XKR9: variants seen among roughly 807,000 people sequenced by gnomAD.
XKR9 encodes XK-related protein 9.
XKR9 carries 32 observed loss-of-function variants against 32.0 expected under a neutral mutation model. That is an observed-to-expected ratio of 1.00 (90% CI 0.76 to 1.34). The LOEUF (loss-of-function observed/expected upper bound fraction) is 1.34, where lower values mean the gene tolerates loss of function less well. XKR9 is among the 40% of genes most tolerant of loss of function. XKR9 has a pLI of 0.00. For missense variants in XKR9, 546 were observed against 429.7 expected (o/e 1.27, Z -2.39); for synonymous variants, 168 against 143.4 (o/e 1.17, Z -1.22).
the XKR9 span, among the ~76,000 whole-genome samples, chr8:70,957,319 T>A: frequency 6.6e-6 from 1 of 152,224 alleles, no homozygotes; most frequent in Non-Finnish European, 1.5e-5. Context: ...TATAATTATT[T>A]ACTTATCACC....
At chr8:71,061,260 T>A in the XKR9 span, among the ~76,000 whole-genome samples, 3,252 of 152,252 alleles carry the variant, frequency 0.021, 91 homozygotes, top group East Asian at 0.12. Context: ...GGGCTCTCCA[T>A]CTTTATTCCC....
At chr8:70,977,442 GT>G in the XKR9 span, among the ~76,000 whole-genome samples, 2 of 152,146 alleles carry the variant, frequency 1.3e-5, no homozygotes, top group Non-Finnish European at 2.9e-5. Flanking sequence ...ATTATGGTAC[GT>G]TGTGTCTTTG....
At chr8:70,821,411 C>T in the XKR9 span, among the ~76,000 whole-genome samples, 1 of 152,192 alleles carries the variant, frequency 6.6e-6, no homozygotes, top group Non-Finnish European at 1.5e-5. Flanking sequence ...GTTGGTGGAT[C>T]TACAATTCTG....
the XKR9 span, among the ~76,000 whole-genome samples, chr8:70,907,519 C>G: frequency 4.0e-4 from 61 of 152,182 alleles, no homozygotes; most frequent in African/African-American, 1.4e-3. Flanking sequence ...TTCCCTGTCT[C>G]CAAAACAGCA....
intron 2 of XKR9, among the ~76,000 whole-genome samples, chr8:70,772,074 G>A (rs1370704329): frequency 6.6e-6 from 1 of 152,144 alleles, no homozygotes; most frequent in African/African-American, 2.4e-5. Context: ...GTCCATCCAA[G>A]TACCAGACTT....
rs574329640 is a variant in XKR9 at position 70,748,737 on chromosome 8, G to C, written n.353-40602G>C. The stretch of plus-strand genomic sequence containing the variant: ...CAGCCTGAAGCCTGGAGGCCAGGCT[G>C]TCAGTTCTGGGTAGAATCCACTGCC... On this transcript the variant is annotated intron_variant and non_coding_transcript_variant, in intron 2 of 3. Transcript: ENST00000520273. Among the ~76,000 whole-genome samples, 7 of 152,328 alleles carry C rather than the reference G, an allele frequency of 4.6e-5. No homozygotes were observed. The East Asian group carries it at 9.6e-4, about 21-fold the overall frequency.
chr8:70,750,053 A>G (rs1807117219), intron 2 of XKR9, among the ~76,000 whole-genome samples: 1 of 152,162 alleles, frequency 6.6e-6, no homozygotes, highest in Non-Finnish European at 1.5e-5. Context: ...ACTTATGTGC[A>G]TGGTAGGATT....
At chr8:70,862,903 A>G in the XKR9 span, among the ~76,000 whole-genome samples, 194 of 152,254 alleles carry the variant, frequency 1.3e-3, no homozygotes, top group Admixed American at 2.2e-3. Flanking sequence ...CTAGGAGGCA[A>G]TGGCACTTGA....
chr8:70,979,684 G>A, the XKR9 span, among the ~76,000 whole-genome samples: 2 of 152,188 alleles, frequency 1.3e-5, no homozygotes, highest in Non-Finnish European at 2.9e-5. Context: ...CCTACTGGGA[G>A]GTGTCTCCAA....
At chr8:70,872,821 C>T in the XKR9 span, among the ~76,000 whole-genome samples, 1 of 152,080 alleles carries the variant, frequency 6.6e-6, no homozygotes, top group Non-Finnish European at 1.5e-5. Flanking sequence ...CCACCACGCC[C>T]AGCTAATTTT....
chr8:70,929,119 G>T, the XKR9 span, among the ~76,000 whole-genome samples: 1 of 152,120 alleles, frequency 6.6e-6, no homozygotes, highest in African/African-American at 2.4e-5. Context: ...CAGAGGAATA[G>T]TCATCTGGGC....
chr8:70,974,094 A>G, the XKR9 span, among the ~76,000 whole-genome samples: 2 of 148,582 alleles, frequency 1.3e-5, no homozygotes, highest in Admixed American at 6.7e-5. Flanking sequence ...GTTGCCATCT[A>G]TCTCATCTCT....
At chr8:70,815,353 T>C in the XKR9 span, among the ~76,000 whole-genome samples, 5 of 152,044 alleles carry the variant, frequency 3.3e-5, no homozygotes, top group Non-Finnish European at 1.5e-5. Context: ...CCTCTGTGTG[T>C]GTTATTCCCC....
At chr8:70,831,340 A>G in the XKR9 span, among the ~76,000 whole-genome samples, 1 of 151,852 alleles carries the variant, frequency 6.6e-6, no homozygotes, top group Non-Finnish European at 1.5e-5. Flanking sequence ...TTAAAATTTC[A>G]AATTCTGTTG....
chr8:70,690,804 C>T (rs1278181427), intron 3 of XKR9, among the ~76,000 whole-genome samples: 1 of 152,076 alleles, frequency 6.6e-6, no homozygotes, highest in Non-Finnish European at 1.5e-5. Flanking sequence ...ATATATAACA[C>T]ATTTTCTTTA....
At chr8:70,753,307 T>C in intron 2 of XKR9, among the ~76,000 whole-genome samples, 1 of 151,760 alleles carries the variant, frequency 6.6e-6, no homozygotes, top group Non-Finnish European at 1.5e-5. Flanking sequence ...CAGGACCAGA[T>C]GGATTCACAG....
Position 70,722,942 on chromosome 8 carries a change from G to A in XKR9, c.494-10854G>A, listed in dbSNP as rs149497605. On this transcript the variant is annotated intron_variant, in intron 4 of 4. Coordinates refer to ENST00000408926, the MANE Select transcript of XKR9 (RefSeq NM_001011720.2). ...TCATTTTCAGATACACCAGTGAATC[G>A]TAGGTTTGGTCTTTTCACAGAGTCC... 7.4e-3 allele frequency among the ~76,000 whole-genome samples: 1,125 copies of A among 151,948 alleles called. 10 individuals carry two copies. The highest frequency in any genetic ancestry group is 0.019 in the African/African-American group (789 of 41,430).
chr8:70,921,680 G>A, the XKR9 span, among the ~76,000 whole-genome samples: 8 of 152,120 alleles, frequency 5.3e-5, no homozygotes, highest in Non-Finnish European at 1.0e-4. Context: ...TAATTTTATG[G>A]CAGACAAGTT....
the XKR9 span, among the ~76,000 whole-genome samples, chr8:70,819,043 C>A: frequency 6.6e-6 from 1 of 151,900 alleles, no homozygotes; most frequent in Admixed American, 6.6e-5. Flanking sequence ...AAAATCACAC[C>A]ATTTCATAAC....
Sources: allele counts gnomAD v4.1 joint callset (sites outside exome capture counted in the v4.1 genomes callset), GRCh38; gene constraint gnomAD v4.1.1; transcripts MANE v1.5; gene names NCBI Gene and HGNC (gene_info 2026-07-23, HGNC 2026-07-21).